The following CACNA1C variants were observed in gnomAD, a reference collection of about 807,000 sequenced individuals.
The protein encoded by CACNA1C is voltage-dependent L-type calcium channel subunit alpha-1C.
CACNA1C carries 30 observed loss-of-function variants against 229.0 expected under a neutral mutation model. The ratio of observed to expected loss-of-function variants is 0.13; its 90% CI spans 0.10 to 0.18. The LOEUF is 0.18. Ranked by LOEUF, CACNA1C falls within the 10% of genes least tolerant of loss-of-function variation. CACNA1C has a pLI of 1.00. For synonymous variants in CACNA1C, 1,114 were observed against 1,132.5 expected, an observed-to-expected ratio of 0.98 and a Z score of 0.33; for missense variants, 1,658 against 2,845.0, an observed-to-expected ratio of 0.58 and a Z score of 9.49.
In CACNA1C at chr12:2,555,304, C is replaced by T. The variant is rs975303412; in HGVS notation, c.1482-1647C>T. Among the ~76,000 whole-genome samples the T allele has an allele frequency of 3.9e-5, 6 of 152,208 alleles. No homozygotes were observed. The East Asian group carries it at 9.6e-4, about 24-fold the overall frequency. On this transcript the variant is annotated intron_variant, in intron 10 of 46. Coordinates refer to ENST00000399655, the MANE Select transcript of CACNA1C (RefSeq NM_000719.7). ...AAGACAACGCCTCATGGCAAAGGGC[C>T]GGTGGTCGTCATCAAGGGGCACCCC...
intron 3 of CACNA1C, among the ~76,000 whole-genome samples, chr12:2,176,242 GC>G (rs1265133067): frequency 6.6e-6 from 1 of 152,128 alleles, no homozygotes; most frequent in Non-Finnish European, 1.5e-5. Flanking sequence ...CAGGCAGAAG[GC>G]TGGAGTGCGT....
intron 3 of CACNA1C, among the ~76,000 whole-genome samples, chr12:2,402,160 A>G (rs1474009917): frequency 2.6e-5 from 4 of 152,270 alleles, no homozygotes; most frequent in Admixed American, 2.6e-4. Flanking sequence ...GTCTGGTTCT[A>G]TGACTCCACC....
chr12:2,224,287 G>C (rs565272901), intron 3 of CACNA1C, among the ~76,000 whole-genome samples: 5 of 152,170 alleles, frequency 3.3e-5, no homozygotes, highest in Non-Finnish European at 7.3e-5. Flanking sequence ...TATGATTTCT[G>C]GTCTCCTCTC....
intron 1 of CACNA1C, among the ~76,000 whole-genome samples, chr12:1,996,245 G>C (rs896470683): frequency 3.3e-5 from 5 of 152,078 alleles, no homozygotes; most frequent in Admixed American, 6.5e-5. Context: ...TTACTCTCCT[G>C]TTCATAAGCC....
At chr12:2,315,600 C>G (rs974281338) in intron 3 of CACNA1C, among the ~76,000 whole-genome samples, 12 of 152,202 alleles carry the variant, frequency 7.9e-5, no homozygotes, top group Non-Finnish European at 1.2e-4. Flanking sequence ...GTGCCTCCCA[C>G]AGAGTCCCGC....
At chr12:2,553,778 G>A (rs893475688) in intron 10 of CACNA1C, among the ~76,000 whole-genome samples, 1 of 152,242 alleles carries the variant, frequency 6.6e-6, no homozygotes, top group Non-Finnish European at 1.5e-5. Context: ...GGAGGATCCA[G>A]TGAGGACAAA....
At chr12:2,047,996 G>A (rs541087469), upstream of CACNA1C, among the ~76,000 whole-genome samples, 14 of 152,338 alleles carry the variant, frequency 9.2e-5, no homozygotes, top group East Asian at 2.7e-3. Flanking sequence ...CTTGACTACA[G>A]AGCTGGACAC....
At chr12:2,640,094 C>T (rs1374939901) in intron 30 of CACNA1C, among the ~76,000 whole-genome samples, 1 of 152,210 alleles carries the variant, frequency 6.6e-6, no homozygotes, top group African/African-American at 2.4e-5. Context: ...GAGCACGGAT[C>T]AGGCATCATG....
At chr12:1,996,189 G>A (rs16928992) in intron 1 of CACNA1C, among the ~76,000 whole-genome samples, 4,696 of 152,018 alleles carry the variant, frequency 0.031, 87 homozygotes, top group South Asian at 0.044. Context: ...GAACTAGTGC[G>A]TCCCCATGAA....
intron 3 of CACNA1C, among the ~76,000 whole-genome samples, chr12:2,122,678 C>A (rs893487631): frequency 4.6e-5 from 7 of 152,214 alleles, no homozygotes; most frequent in African/African-American, 1.7e-4. Flanking sequence ...CCTGAGCCCT[C>A]TGATTTTCTT....
At chr12:2,556,817 A>G (rs2044558499) in intron 10 of CACNA1C, 134 bp from the exon 11 acceptor site, 2 of 754,142 alleles carry the variant, frequency 2.7e-6, no homozygotes, top group Admixed American at 1.9e-5. Context: ...AAGATGTTCT[A>G]GTTCACACCA....
intron 3 of CACNA1C, among the ~76,000 whole-genome samples, chr12:2,412,408 G>C (rs1286408623): frequency 6.6e-6 from 1 of 152,238 alleles, no homozygotes; most frequent in Non-Finnish European, 1.5e-5. Flanking sequence ...ATGGGGATAA[G>C]GGGCGGTGCC....
chr12:2,110,395 T>A (rs1449504876), intron 1 of CACNA1C, among the ~76,000 whole-genome samples: 1 of 152,190 alleles, frequency 6.6e-6, no homozygotes, highest in Non-Finnish European at 1.5e-5. Flanking sequence ...AGGCAGCTGC[T>A]CAGGGCCTTG....
rs1256781534 is a variant in CACNA1C, at chr12:2,275,192, T to C, written c.477+154762T>C. ...TTGTGGCAGTGTGTTTGGTGTGTAA[T>C]CATTGTCCTGCTAGCTAGCAGTCAT... is the stretch of plus-strand genomic sequence containing the variant. On this transcript the variant is annotated intron_variant, in intron 3 of 46. Coordinates refer to ENST00000399655, the MANE Select transcript of CACNA1C (RefSeq NM_000719.7). This position sits in a 1 kb window ranked among gnomAD's most constrained non-coding sequence, Gnocchi z 4.1. Among the ~76,000 whole-genome samples the C allele has an allele frequency of 6.6e-6, 1 of 152,228 alleles. No homozygotes were observed. The highest frequency in any genetic ancestry group is 2.4e-5 in the African/African-American group (1 of 41,460).
At chr12:2,672,435 G>A (rs2096607816) in intron 38 of CACNA1C, among the ~76,000 whole-genome samples, 1 of 152,198 alleles carries the variant, frequency 6.6e-6, no homozygotes, top group South Asian at 2.1e-4. Context: ...TGGGCAGCTG[G>A]AAACAAGAGA....
chr12:2,641,723 T>A, intron 30 of CACNA1C: 1 of 702,600 alleles, frequency 1.4e-6, no homozygotes, highest in Middle Eastern at 2.3e-4. Flanking sequence ...GAGAAGGCGA[T>A]GCTCAACCTG....
At chr12:2,573,516 G>C (rs1263565331) in intron 13 of CACNA1C, among the ~76,000 whole-genome samples, 1 of 152,220 alleles carries the variant, frequency 6.6e-6, no homozygotes, top group Non-Finnish European at 1.5e-5. Flanking sequence ...GCAAGACAAG[G>C]CTGTTTATTC....
chr12:2,545,537 G>C (rs2099879565), intron 9 of CACNA1C, among the ~76,000 whole-genome samples: 1 of 152,110 alleles, frequency 6.6e-6, no homozygotes, highest in Non-Finnish European at 1.5e-5. Flanking sequence ...TGTCTCCACT[G>C]CTTTATGACC....
At chr12:2,119,534 T>C (rs1399158160) in intron 2 of CACNA1C, among the ~76,000 whole-genome samples, 1 of 152,194 alleles carries the variant, frequency 6.6e-6, no homozygotes, top group African/African-American at 2.4e-5. Context: ...AGTCAGGGCA[T>C]GGGAACCTCT....
Sources: allele counts gnomAD v4.1 joint callset (sites outside exome capture counted in the v4.1 genomes callset), GRCh38; gene constraint gnomAD v4.1.1; non-coding constraint Gnocchi (gnomAD v3.1); transcripts MANE v1.5; gene names NCBI Gene and HGNC (gene_info 2026-07-23, HGNC 2026-07-21).